KCNH7: variants seen among roughly 807,000 people sequenced by gnomAD.
The protein encoded by KCNH7 is potassium voltage-gated channel subfamily H member 7.
Under a neutral mutation model 120.8 loss-of-function variants are expected in KCNH7, and 49 were observed. The ratio of observed to expected loss-of-function variants is 0.41; its 90% CI spans 0.32 to 0.51. The LOEUF is 0.51. Ranked by LOEUF, KCNH7 falls within the 20% of genes least tolerant of loss-of-function variation. The pLI is 0.38. For missense variants in KCNH7, 1,097 were observed against 1,446.6 expected, an observed-to-expected ratio of 0.76 and a Z score of 3.92; for synonymous variants, 547 against 516.1, an observed-to-expected ratio of 1.06 and a Z score of -0.81.
intron 2 of KCNH7, among the ~76,000 whole-genome samples, chr2:162,807,280 A>AAAAAAAAAAAC (rs1559143095): frequency 2.8e-5 from 4 of 144,556 alleles, no homozygotes; most frequent in South Asian, 2.3e-4. Context: ...AAAAAAAAAA[A>AAAAAAAAAAAC]AAACAAATTA....
At chr2:162,374,122 C>T (rs932810342) in intron 14 of KCNH7, among the ~76,000 whole-genome samples, 10 of 152,192 alleles carry the variant, frequency 6.6e-5, no homozygotes, top group Admixed American at 3.3e-4. Context: ...TTTATATTAA[C>T]ACTTTTTAAC....
chr2:162,713,757 T>C (rs1574297005), intron 2 of KCNH7, among the ~76,000 whole-genome samples: 1 of 152,226 alleles, frequency 6.6e-6, no homozygotes, highest in Non-Finnish European at 1.5e-5. Context: ...TTTGTTTGTT[T>C]TGTTTTTTCA....
chr2:162,703,457 T>C (rs1286878624), intron 2 of KCNH7, among the ~76,000 whole-genome samples: 2 of 152,160 alleles, frequency 1.3e-5, no homozygotes, highest in Admixed American at 6.6e-5. Flanking sequence ...TTTAAGAATG[T>C]ATACTTTAGA....
chr2:162,675,379 T>C (rs1685500114), intron 2 of KCNH7, among the ~76,000 whole-genome samples: 1 of 151,482 alleles, frequency 6.6e-6, no homozygotes. Context: ...GAAAATAAAT[T>C]GATACAATTA....
At chr2:162,573,162 G>A (rs550197455) in intron 2 of KCNH7, among the ~76,000 whole-genome samples, 2 of 152,086 alleles carry the variant, frequency 1.3e-5, no homozygotes, top group Admixed American at 1.3e-4. Flanking sequence ...GAAATGTGCA[G>A]GAAAAACTTT....
intron 2 of KCNH7, among the ~76,000 whole-genome samples, chr2:162,594,698 C>A (rs887762818): frequency 6.6e-6 from 1 of 150,936 alleles, no homozygotes; most frequent in Non-Finnish European, 1.5e-5. Context: ...CGTCCTTATT[C>A]CCTGAACAAT....
intron 2 of KCNH7, among the ~76,000 whole-genome samples, chr2:162,744,568 C>CTTTT (rs144013923): frequency 1.2e-4 from 14 of 115,286 alleles, no homozygotes; most frequent in Admixed American, 2.9e-4. Context: ...ATTCACAGAA[C>CTTTT]TTTTTTTTTT....
intron 6 of KCNH7, among the ~76,000 whole-genome samples, chr2:162,453,981 G>A (rs1185466030): frequency 7.2e-5 from 11 of 152,028 alleles, no homozygotes; most frequent in Non-Finnish European, 1.6e-4. Context: ...TGTAAATTTT[G>A]GCTTTTGTTG....
At chr2:162,768,010 A>C (rs1682888579) in intron 2 of KCNH7, among the ~76,000 whole-genome samples, 1 of 152,196 alleles carries the variant, frequency 6.6e-6, no homozygotes, top group South Asian at 2.1e-4. Flanking sequence ...ATTTCATCAC[A>C]AGCAAAGAAA....
At chr2:162,744,568 C>CTTTTTTTT (rs144013923) in intron 2 of KCNH7, among the ~76,000 whole-genome samples, 2 of 115,320 alleles carry the variant, frequency 1.7e-5, no homozygotes, top group African/African-American at 3.7e-5. Flanking sequence ...ATTCACAGAA[C>CTTTTTTTT]TTTTTTTTTT....
intron 6 of KCNH7, among the ~76,000 whole-genome samples, chr2:162,486,441 G>A (rs1690096267): frequency 6.6e-6 from 1 of 152,082 alleles, no homozygotes; most frequent in Non-Finnish European, 1.5e-5. Context: ...TCAAAACACA[G>A]GTGGACTTGG....
At chr2:162,721,441 C>T (rs1687322600) in intron 2 of KCNH7, among the ~76,000 whole-genome samples, 1 of 152,020 alleles carries the variant, frequency 6.6e-6, no homozygotes, top group Non-Finnish European at 1.5e-5. Context: ...GTGAAAGATA[C>T]TAAAAGATGC....
Position 162,446,061 on chromosome 2 carries a change from G to A in KCNH7, c.1511C>T (p.Ala504Val). ...KGWFLIDMVA[A>V]IPFDLLIFGS... ...AAAAATCAGCAAGTCAAAAGGAATTGCTGCAACCATGTCAATCAGGAACCA... is the reference window on the plus strand; with the variant it reads ...AAAAATCAGCAAGTCAAAAGGAATTACTGCAACCATGTCAATCAGGAACCA... Residue 504 changes from alanine to valine, a missense_variant, in exon 7 of 16, where the codon GCA becomes GTA. Ala to Val is a moderately conservative substitution (Grantham distance 64). Transcript: ENST00000332142. 6.2e-7 allele frequency: 1 copy of A among 1,613,770 alleles called. No homozygotes were observed. The highest frequency in any genetic ancestry group is 8.5e-7 in the Non-Finnish European group (1 of 1,179,812).
At chr2:162,474,510 G>A (rs530911943) in intron 6 of KCNH7, among the ~76,000 whole-genome samples, 1 of 152,300 alleles carries the variant, frequency 6.6e-6, no homozygotes, top group African/African-American at 2.4e-5. Context: ...TCTGCCTCCT[G>A]GTATTCATGT....
At chr2:162,458,651 C>T (rs1366258806) in intron 6 of KCNH7, among the ~76,000 whole-genome samples, 1 of 152,120 alleles carries the variant, frequency 6.6e-6, no homozygotes, top group African/African-American at 2.4e-5. Flanking sequence ...CATACTAGCT[C>T]ATGAGTAAGA....
At chr2:162,430,353 A>G (rs1024586127) in intron 8 of KCNH7, among the ~76,000 whole-genome samples, 1 of 152,072 alleles carries the variant, frequency 6.6e-6, no homozygotes, top group South Asian at 2.1e-4. Flanking sequence ...CTTAGTATTC[A>G]TAAGTAGATT....
At chr2:162,585,186 T>A (rs1264655574) in intron 2 of KCNH7, among the ~76,000 whole-genome samples, 1 of 152,022 alleles carries the variant, frequency 6.6e-6, no homozygotes, top group African/African-American at 2.4e-5. Context: ...ACCAGGGGAT[T>A]TAAAAGTGGT....
chr2:162,519,655 GC>G lies in KCNH7; in HGVS notation c.464-1498del, dbSNP rs1691449174. On this transcript the variant is annotated intron_variant, in intron 3 of 15. Transcript: ENST00000332142. The stretch of plus-strand genomic sequence containing the variant: ...TCCAAACAATAATCTGTAACCCAAA[GC>G]TTCTCTAAGTATGATTTACAAGAAA... 2.8e-4 allele frequency among the ~76,000 whole-genome samples: 43 copies of G among 151,760 alleles called. 1 individual carries two copies. The South Asian group carries it at 8.7e-3, about 31-fold the overall frequency.
At chr2:162,486,564 A>C (rs1485947422) in intron 6 of KCNH7, among the ~76,000 whole-genome samples, 1 of 152,212 alleles carries the variant, frequency 6.6e-6, no homozygotes. Context: ...GAGCTTCATT[A>C]AAACAAGGAG....
Sources: allele counts gnomAD v4.1 joint callset (sites outside exome capture counted in the v4.1 genomes callset), GRCh38; gene constraint gnomAD v4.1.1; transcripts MANE v1.5; gene names NCBI Gene and HGNC (gene_info 2026-07-23, HGNC 2026-07-21).